NLRP14: variants seen among roughly 807,000 people sequenced by gnomAD.
NLRP14 encodes NACHT, LRR and PYD domains-containing protein 14.
NLRP14 carries 105 observed loss-of-function variants against 94.7 expected under a neutral mutation model. That is an observed-to-expected ratio of 1.11 (90% CI 0.95 to 1.30). The LOEUF is 1.30. Among genes scored for constraint, NLRP14 ranks in the 50% most tolerant of loss-of-function variants. The pLI, the probability that NLRP14 is intolerant of heterozygous loss-of-function variation, is 0.00. For missense variants in NLRP14, 1,362 were observed against 1,254.1 expected (o/e 1.09, Z -1.30); for synonymous variants, 508 against 459.9 (o/e 1.10, Z -1.34).
the NLRP14 span, among the ~76,000 whole-genome samples, chr11:7,084,627 G>A: frequency 0.57 from 86,608 of 152,046 alleles, 25,973 homozygotes; most frequent in East Asian, 0.78. Flanking sequence ...CCAGCTTCAT[G>A]GGTCAGAAGC....
chr11:7,032,368 G>A (rs915046152), intron 1 of NLRP14, among the ~76,000 whole-genome samples: 1 of 151,946 alleles, frequency 6.6e-6, no homozygotes, highest in Non-Finnish European at 1.5e-5. Context: ...CATTATAATT[G>A]AATCCTTATT....
At position 7,042,381 on chromosome 11, in the gene NLRP14, G is replaced by T. The variant is rs775414982; in HGVS notation, c.362-7G>T. Reference sequence around the variant, plus strand: ...TTTGTTTTTTTACCTTTGCCATTCTGACTTAGGTGATGGAACAGAATACAG... The same window carrying T: ...TTTGTTTTTTTACCTTTGCCATTCTTACTTAGGTGATGGAACAGAATACAG... On this transcript the variant is annotated splice_polypyrimidine_tract_variant and splice_region_variant and intron_variant, in intron 3 of 11. Coordinates refer to ENST00000299481, the MANE Select transcript of NLRP14 (RefSeq NM_176822.4). 3.1e-6 allele frequency: 5 copies of T among 1,612,178 alleles called. No individual in the cohort carries two copies. The African/African-American group carries it at 5.3e-5, about 17-fold the overall frequency.
the NLRP14 span, among the ~76,000 whole-genome samples, chr11:7,079,380 C>T: frequency 2.0e-5 from 3 of 152,266 alleles, no homozygotes; most frequent in Admixed American, 1.3e-4. Context: ...CACCTTCACT[C>T]GTCATTCAGA....
At chr11:7,089,679 C>G in the NLRP14 span, 13 of 1,459,252 alleles carry the variant, frequency 8.9e-6, no homozygotes, top group East Asian at 2.7e-5. Context: ...CGTGCGGGGG[C>G]GAGACGGCTA....
intron 1 of NLRP14, among the ~76,000 whole-genome samples, chr11:7,028,575 G>T (rs992540725): frequency 6.6e-6 from 1 of 152,044 alleles, no homozygotes; most frequent in Non-Finnish European, 1.5e-5. Context: ...CCCTCAGCTG[G>T]CTTCCTAGTT....
chr11:7,072,885 C>T (rs1852822931), downstream of NLRP14, among the ~76,000 whole-genome samples: 3 of 152,098 alleles, frequency 2.0e-5, no homozygotes, highest in Admixed American at 2.0e-4. Context: ...TTTATGCTCA[C>T]CTGTCCTTCA....
intron 1 of NLRP14, among the ~76,000 whole-genome samples, chr11:7,031,345 A>T (rs1852092153): frequency 6.6e-6 from 1 of 152,024 alleles, no homozygotes; most frequent in Non-Finnish European, 1.5e-5. Context: ...AGGGATGTGG[A>T]CTCAGGGCCC....
chr11:7,043,387 A>C lies in NLRP14; in HGVS notation c.1361A>C (p.Gln454Pro). 1 of 1,614,134 alleles carries C rather than the reference A, an allele frequency of 6.2e-7. No individual in the cohort carries two copies. The highest frequency in any genetic ancestry group is 8.5e-7 in the Non-Finnish European group (1 of 1,180,002). The change falls in exon 4 of 12, where the codon CAA becomes CCA. Residue 454 changes from glutamine to proline, a missense_variant. Gln to Pro is a moderately conservative substitution (Grantham distance 76). Transcript: ENST00000299481. Reference sequence around the variant, plus strand: ...AATCTCAGAAGGCTTGGGTTAACTCAATCTGATGTCTCTAGTTTTATGGAC... The same window carrying C: ...AATCTCAGAAGGCTTGGGTTAACTCCATCTGATGTCTCTAGTTTTATGGAC... ...RENLRRLGLTQSDVSSFMDSN... is the reference protein window; with the variant it reads ...RENLRRLGLTPSDVSSFMDSN...
intron 1 of NLRP14, among the ~76,000 whole-genome samples, chr11:7,023,453 T>C (rs1004146233): frequency 6.8e-6 from 1 of 146,240 alleles, no homozygotes; most frequent in African/African-American, 2.5e-5. Context: ...TTATTTTATA[T>C]ATGTATAAAT....
intron 5 of NLRP14, among the ~76,000 whole-genome samples, chr11:7,048,984 T>C (rs1220366774): frequency 6.7e-6 from 1 of 148,876 alleles, no homozygotes; most frequent in Non-Finnish European, 1.5e-5. Flanking sequence ...TTTATTTTCC[T>C]GTGTGTACTT....
At chr11:7,045,769 A>G (rs963618822) in intron 4 of NLRP14, among the ~76,000 whole-genome samples, 1 of 151,618 alleles carries the variant, frequency 6.6e-6, no homozygotes, top group African/African-American at 2.4e-5. Context: ...ATATATATGT[A>G]TATAACAGTT....
At chr11:7,083,401 C>T in the NLRP14 span, among the ~76,000 whole-genome samples, 110 of 152,336 alleles carry the variant, frequency 7.2e-4, 2 homozygotes, top group East Asian at 0.02. Flanking sequence ...TGAAATGTTA[C>T]TTGGTAGTCC....
chr11:7,049,633 TG>T, intron 5 of NLRP14, 37 bp from the exon 6 acceptor site: 1 of 1,466,716 alleles, frequency 6.8e-7, no homozygotes. Flanking sequence ...AGGAGAGAAA[TG>T]GTTTTGTAAT....
Position 7,023,619 on chromosome 11 carries a change from A to G in NLRP14, c.-22+2849A>G, listed in dbSNP as rs576974666. On this transcript the variant is annotated intron_variant, in intron 1 of 11. Coordinates refer to ENST00000299481, the MANE Select transcript of NLRP14 (RefSeq NM_176822.4). ...AGAAGAAAGCACAGAAAAGAACATA[A>G]GAAATTATATTAGGCCATCTTGCAT... Among the ~76,000 whole-genome samples, 10 of 151,070 alleles carry G rather than the reference A, an allele frequency of 6.6e-5. No individual in the cohort carries two copies. In the South Asian group the frequency reaches 2.1e-3, roughly 31 times the overall value.
chr11:7,068,751 A>G (rs1231927354), intron 10 of NLRP14, among the ~76,000 whole-genome samples: 1 of 152,152 alleles, frequency 6.6e-6, no homozygotes, highest in Admixed American at 6.6e-5. Flanking sequence ...TCAATCACCT[A>G]GGCAACCAAG....
chr11:7,074,365 T>C (rs376518903), downstream of NLRP14, among the ~76,000 whole-genome samples: 52 of 152,310 alleles, frequency 3.4e-4, no homozygotes, highest in African/African-American at 1.2e-3. Flanking sequence ...TCTTGCTAGT[T>C]AGAGGAATCT....
Position 7,039,713 on chromosome 11 carries a change from G to A in NLRP14, c.290-1G>A. The A allele has an allele frequency of 6.2e-7, 1 of 1,612,980 alleles. No homozygotes were observed. The highest frequency in any genetic ancestry group is 1.7e-5 in the Admixed American group (1 of 60,022). ...CATGATCCTATCGGAACCTGTTGCA[G>A]GGTCGGCCCAGACTATAGGACCAGA... On this transcript the variant is annotated splice_acceptor_variant, in intron 2 of 11. Coordinates refer to ENST00000299481, the MANE Select transcript of NLRP14 (RefSeq NM_176822.4). LOFTEE classifies it high-confidence loss of function.
At chr11:7,041,998 A>G (rs114709062) in intron 3 of NLRP14, among the ~76,000 whole-genome samples, 9,337 of 150,450 alleles carry the variant, frequency 0.062, 502 homozygotes, top group African/African-American at 0.14. Context: ...GGTCTTCCCT[A>G]TTATTGTTAA....
intron 8 of NLRP14, 120 bp from the exon 9 acceptor site, chr11:7,059,774 C>A: frequency 1.2e-6 from 1 of 860,364 alleles, no homozygotes; most frequent in Non-Finnish European, 1.9e-6. Context: ...GAGGGTGTTT[C>A]ATCTGAGATG....
Sources: gnomAD v4.1 joint callset for allele counts (sites outside exome capture counted in the v4.1 genomes callset) on GRCh38, gnomAD v4.1.1 for gene constraint, MANE v1.5 for transcripts, NCBI Gene and HGNC (gene_info 2026-07-23, HGNC 2026-07-21) for gene names.